CAND1: variants seen among roughly 807,000 people sequenced by gnomAD.
The protein encoded by CAND1 is cullin-associated NEDD8-dissociated protein 1.
Under a neutral mutation model 108.5 loss-of-function variants are expected in CAND1, and 7 were observed. That is an observed-to-expected ratio of 0.06 (90% CI 0.04 to 0.12). The LOEUF is 0.12. CAND1 is among the 10% of genes least tolerant of loss of function. The pLI, the probability that CAND1 is intolerant of heterozygous loss-of-function variation, is 1.00. For missense variants in CAND1, 941 were observed against 1,448.7 expected, an observed-to-expected ratio of 0.65 and a Z score of 5.69; for synonymous variants, 534 against 512.0, an observed-to-expected ratio of 1.04 and a Z score of -0.58.
At chr12:67,292,891 A>T in intron 3 of CAND1, 115 bp downstream of exon 3, 1 of 878,960 alleles carries the variant, frequency 1.1e-6, no homozygotes, top group East Asian at 2.5e-5. Context: ...ACAGATGTTC[A>T]TAGGAATCCC....
intron 11 of CAND1, among the ~76,000 whole-genome samples, chr12:67,309,581 GCT>G (rs1409412349): frequency 1.3e-5 from 2 of 151,894 alleles, no homozygotes; most frequent in Admixed American, 6.6e-5. Flanking sequence ...AGTCTTTTTA[GCT>G]CTGTCTCTGT....
At chr12:67,287,504 C>T (rs2044682454) in intron 2 of CAND1, among the ~76,000 whole-genome samples, 1 of 152,032 alleles carries the variant, frequency 6.6e-6, no homozygotes, top group African/African-American at 2.4e-5. Flanking sequence ...TTGTTAAAGT[C>T]GTTTTTGCTG....
At chr12:67,293,527 G>T (rs1032000394) in intron 3 of CAND1, among the ~76,000 whole-genome samples, 1 of 152,182 alleles carries the variant, frequency 6.6e-6, no homozygotes, top group Non-Finnish European at 1.5e-5. Context: ...GCCAAGGCAG[G>T]TGGATCACCT....
intron 14 of CAND1, 45 bp downstream of exon 14, chr12:67,311,845 G>C (rs2044953631): frequency 9.3e-7 from 1 of 1,069,774 alleles, no homozygotes; most frequent in Admixed American, 1.7e-5. Context: ...TGGTGTATTG[G>C]GGATTCCTAG....
intron 6 of CAND1, 36 bp from the exon 7 acceptor site, chr12:67,298,914 G>A (rs566777202): frequency 2.4e-6 from 3 of 1,272,658 alleles, no homozygotes; most frequent in South Asian, 1.2e-5. Context: ...GGAGTAAAAT[G>A]CAGCTCTTCA....
At position 67,305,810 on chromosome 12, in the gene CAND1, T is replaced by C; in HGVS notation, c.2142T>C (p.Ser714=). ...TGCATGTTTCACAAATGGCCATCAG[T>C]TTTCTTACCACTTTGGCAAAAGTAT... The part of the protein sequence containing the change: ...SDMHVSQMAI[S]FLTTLAKVYP... The change falls in exon 10 of 15, where the codon AGT becomes AGC. Residue 714 remains serine, a synonymous_variant. Transcript: ENST00000545606. The surrounding 1 kb of genome is among the most constrained non-coding windows in gnomAD (Gnocchi z 4.4). 1 of 1,614,170 alleles carries C rather than the reference T, an allele frequency of 6.2e-7. No individual in the cohort carries two copies. The highest frequency in any genetic ancestry group is 1.3e-5 in the African/African-American group (1 of 75,038).
intron 2 of CAND1, among the ~76,000 whole-genome samples, chr12:67,284,693 T>A (rs1352340450): frequency 2.5e-5 from 2 of 79,452 alleles, no homozygotes; most frequent in East Asian, 6.0e-4. Flanking sequence ...CTTAAAAGAG[T>A]ACACATGCAT....
At position 67,304,658 on chromosome 12, in the gene CAND1, G is replaced by T; in HGVS notation, c.1347G>T (p.Lys449Asn). The change falls in exon 9 of 15, where the codon AAG (lysine) becomes AAT (asparagine). Residue 449 changes from lysine to asparagine, a missense_variant. Physicochemically the swap from Lys to Asn is moderately conservative, Grantham distance 94 (BLOSUM62 0). Coordinates refer to ENST00000545606, the MANE Select transcript of CAND1 (RefSeq NM_018448.5). ...AACAGATGAAAGAAAAAAGTGTGAA[G>T]ACCCGACAGTGTTGTTTTAACATGT... Reference protein sequence around the residue: ...LHKQMKEKSVKTRQCCFNMLT... With the variant: ...LHKQMKEKSVNTRQCCFNMLT... 1.2e-6 allele frequency: 2 copies of T among 1,613,882 alleles called. No homozygotes were observed. The highest frequency in any genetic ancestry group is 1.7e-6 in the Non-Finnish European group (2 of 1,179,938).
chr12:67,288,048 G>GA (rs1565719073), intron 2 of CAND1, among the ~76,000 whole-genome samples: 1 of 151,198 alleles, frequency 6.6e-6, no homozygotes. Flanking sequence ...ATATATACTT[G>GA]AAAGTATATT....
rs1252411 is a variant in CAND1, at chr12:67,272,551, G to A, written c.68+2766G>A. Among the ~76,000 whole-genome samples the A allele has an allele frequency of 8.9e-4, 135 of 152,230 alleles. 1 individual carries two copies. The highest frequency in any genetic ancestry group is 2.8e-3 in the African/African-American group (117 of 41,552). On this transcript the variant is annotated intron_variant, in intron 1 of 14. Transcript: ENST00000545606. ...TTAAGGCTCAATTTATTGAAAAATT[G>A]TAATATTTCTTTTGTGTTTTAGTAT... is the stretch of plus-strand genomic sequence containing the variant.
rs1348099990 is a variant in CAND1, at chr12:67,302,633, G to T, written c.1293+18G>T. On this transcript the variant is annotated intron_variant, in intron 8 of 14. Coordinates refer to ENST00000545606, the MANE Select transcript of CAND1 (RefSeq NM_018448.5). ...AGAGTCAGGTGGGTTTTAAAGTAAAGTTTAGAAAATCATGATAGTAAATGC... is the reference window on the plus strand; with the variant it reads ...AGAGTCAGGTGGGTTTTAAAGTAAATTTTAGAAAATCATGATAGTAAATGC... The T allele has an allele frequency of 3.1e-6, 5 of 1,590,046 alleles. No individual in the cohort carries two copies. Among genetic ancestry groups the T allele is most frequent in the Non-Finnish European group, 4.3e-6 (5 of 1,164,422 alleles).
rs1405309617 is a variant in CAND1, at chr12:67,297,967, A to G, written c.854+114A>G. 4 of 541,690 alleles carry G rather than the reference A, an allele frequency of 7.4e-6. No homozygotes were observed. The Admixed American group carries it at 1.0e-4, about 14-fold the overall frequency. 33.6% of individuals were successfully genotyped at this position (541,690 alleles called of 1,614,324 possible). A position where few individuals can be genotyped will look rare whatever the true frequency, so the allele number is the denominator to read the frequency against. On this transcript the variant is annotated intron_variant, in intron 6 of 14. Transcript: ENST00000545606. Reference sequence around the variant, plus strand: ...GCCTTTTGGATTTCAGATATAACAGACAATACAGTATTTGAAACTAATGTC... The same window carrying G: ...GCCTTTTGGATTTCAGATATAACAGGCAATACAGTATTTGAAACTAATGTC...
intron 1 of CAND1, among the ~76,000 whole-genome samples, chr12:67,281,058 T>C (rs1055719342): frequency 6.6e-6 from 1 of 152,008 alleles, no homozygotes; most frequent in African/African-American, 2.4e-5. Flanking sequence ...CTGGGCAACA[T>C]GGTGAAACCC....
At chr12:67,301,714 A>G (rs539588654) in intron 7 of CAND1, among the ~76,000 whole-genome samples, 1 of 152,312 alleles carries the variant, frequency 6.6e-6, no homozygotes, top group South Asian at 2.1e-4. Flanking sequence ...CAAAATTGTG[A>G]AAGGTTTAGA....
intron 1 of CAND1, among the ~76,000 whole-genome samples, chr12:67,272,367 G>A (rs1281377014): frequency 6.6e-6 from 1 of 152,128 alleles, no homozygotes; most frequent in Non-Finnish European, 1.5e-5. Flanking sequence ...CTTCTGAGAG[G>A]CATGGACATG....
rs367819175 is a variant in CAND1, at chr12:67,310,025, A to G, written c.3150A>G (p.Pro1050=). The stretch of plus-strand genomic sequence containing the variant: ...GGGATCTATTGGATACTGTTCTTCC[A>G]CATCTTTACAATGAAACAAAAGTTA... The part of the protein sequence containing the change: ...LIRDLLDTVL[P]HLYNETKVRK... The change falls in exon 12 of 15, where the codon CCA becomes CCG. Residue 1050 remains proline (P), a synonymous_variant. Transcript: ENST00000545606. The G allele has an allele frequency of 1.3e-5, 21 of 1,612,400 alleles. No individual in the cohort carries two copies. Among genetic ancestry groups the G allele is most frequent in the Non-Finnish European group, 1.8e-5 (21 of 1,178,836 alleles).
chr12:67,286,194 T>C (rs975193884), intron 2 of CAND1, among the ~76,000 whole-genome samples: 22 of 152,076 alleles, frequency 1.4e-4, no homozygotes, highest in African/African-American at 5.1e-4. Flanking sequence ...ATTTTTTAAA[T>C]AGAGACGGGG....
chr12:67,302,710 A>G (rs1176320759), intron 8 of CAND1, 95 bp downstream of exon 8: 1 of 1,080,146 alleles, frequency 9.3e-7, no homozygotes. Context: ...GAATATCTAT[A>G]GAGAAGCAGA....
At chr12:67,295,329 T>C (rs1461725425) in intron 4 of CAND1, among the ~76,000 whole-genome samples, 173 bp downstream of exon 4, 1 of 152,222 alleles carries the variant, frequency 6.6e-6, no homozygotes, top group Non-Finnish European at 1.5e-5. Flanking sequence ...CTAATTACAC[T>C]AACATATAAG....
Sources: allele counts gnomAD v4.1 joint callset (sites outside exome capture counted in the v4.1 genomes callset), GRCh38; gene constraint gnomAD v4.1.1; non-coding constraint Gnocchi (gnomAD v3.1); transcripts MANE v1.5; gene names NCBI Gene and HGNC (gene_info 2026-07-23, HGNC 2026-07-21).